Variants in UNC13C observed in about 807,000 individuals in gnomAD.
The protein encoded by UNC13C is unc-13 homolog C.
UNC13C carries 174 observed loss-of-function variants against 245.4 expected under a neutral mutation model. That is an observed-to-expected ratio of 0.71 (90% CI 0.63 to 0.80). UNC13C has a LOEUF of 0.80. UNC13C is among the 30% of genes least tolerant of loss of function. UNC13C has a pLI of 0.00. For missense variants in UNC13C, 2,829 were observed against 2,602.9 expected (o/e 1.09, Z -1.89); for synonymous variants, 992 against 895.1 (o/e 1.11, Z -1.93).
At chr15:54,035,116 T>G (rs1350848905) in intron 2 of UNC13C, among the ~76,000 whole-genome samples, 2 of 152,182 alleles carry the variant, frequency 1.3e-5, no homozygotes, top group Admixed American at 1.3e-4. Context: ...TATAGGGATA[T>G]TCTTTGCAGC....
chr15:53,863,191 G>A, the UNC13C span, among the ~76,000 whole-genome samples: 10 of 152,174 alleles, frequency 6.6e-5, no homozygotes, highest in Admixed American at 2.6e-4. Context: ...CAGGTCCCAA[G>A]CAAGACCAAA....
chr15:54,019,673 C>T (rs1050723220), intron 2 of UNC13C, among the ~76,000 whole-genome samples: 8 of 152,154 alleles, frequency 5.3e-5, no homozygotes, highest in South Asian at 4.1e-4. Context: ...CTAGTTTTTA[C>T]ATCATGTATA....
chr15:54,013,060 C>T lies in UNC13C; in HGVS notation c.157C>T (p.Pro53Ser), dbSNP rs1261174386. ...CCCCACTGCTGGCCAGACCAAATCC[C>T]CCAAATTTTCTTACACTTTTAAAAG... is the stretch of plus-strand genomic sequence containing the variant. ...DFPTAGQTKS[P>S]KFSYTFKSTV... The change falls in exon 2 of 33, where the codon CCC becomes TCC. Residue 53 changes from proline (P) to serine (S), a missense_variant. Coordinates refer to ENST00000260323, the MANE Select transcript of UNC13C (RefSeq NM_001080534.3). The T allele has an allele frequency of 6.2e-7, 1 of 1,613,828 alleles. No individual in the cohort carries two copies. Among genetic ancestry groups the T allele is most frequent in the Non-Finnish European group, 8.5e-7 (1 of 1,179,838 alleles).
At chr15:54,058,115 G>A (rs1897625010) in intron 2 of UNC13C, among the ~76,000 whole-genome samples, 1 of 152,060 alleles carries the variant, frequency 6.6e-6, no homozygotes, top group African/African-American at 2.4e-5. Context: ...TAAGATCAGA[G>A]CAGAACTGAA....
At chr15:53,896,712 G>C in the UNC13C span, among the ~76,000 whole-genome samples, 1 of 152,174 alleles carries the variant, frequency 6.6e-6, no homozygotes, top group South Asian at 2.1e-4. Flanking sequence ...AAGATGTAAG[G>C]AGTGCCTGCT....
At chr15:54,071,216 G>A (rs1898312013) in intron 2 of UNC13C, among the ~76,000 whole-genome samples, 1 of 151,960 alleles carries the variant, frequency 6.6e-6, no homozygotes, top group African/African-American at 2.4e-5. Context: ...TAAACTTGTA[G>A]GATTTCAGAA....
the UNC13C span, among the ~76,000 whole-genome samples, chr15:53,843,248 T>A: frequency 6.6e-6 from 1 of 152,064 alleles, no homozygotes; most frequent in Non-Finnish European, 1.5e-5. Context: ...GAAACCAGCC[T>A]GGGCAACATG....
chr15:54,179,549 T>A (rs7173417), intron 4 of UNC13C, among the ~76,000 whole-genome samples: 5 of 151,816 alleles, frequency 3.3e-5, no homozygotes, highest in African/African-American at 1.2e-4. Flanking sequence ...ACTATAAATA[T>A]AATTAGAGAT....
Position 54,506,010 on chromosome 15 carries a change from C to T in UNC13C, c.5302-1107C>T, listed in dbSNP as rs1390120377. On this transcript the variant is annotated intron_variant, in intron 22 of 32. Coordinates refer to ENST00000260323, the MANE Select transcript of UNC13C (RefSeq NM_001080534.3). ...AAGGGTATCCAGCTTGCTCTTTCTT[C>T]TTTAGAAAACGATAACAAAGGCAAA... Among the ~76,000 whole-genome samples the T allele has an allele frequency of 4.6e-5, 7 of 152,212 alleles. No homozygotes were observed. The East Asian group carries it at 1.4e-3, about 29-fold the overall frequency.
At chr15:54,149,040 T>C (rs2032404666) in intron 4 of UNC13C, among the ~76,000 whole-genome samples, 1 of 152,132 alleles carries the variant, frequency 6.6e-6, no homozygotes, top group Admixed American at 6.6e-5. Flanking sequence ...TCCCCCAGGC[T>C]GTTCTCCTGC....
At chr15:54,615,947 T>A (rs1900406169) in intron 30 of UNC13C, among the ~76,000 whole-genome samples, 1 of 152,058 alleles carries the variant, frequency 6.6e-6, no homozygotes, top group African/African-American at 2.4e-5. Flanking sequence ...CTTCTTTATG[T>A]CTAAAACAAA....
chr15:54,463,020 A>T (rs919521722), intron 19 of UNC13C, among the ~76,000 whole-genome samples: 1 of 151,928 alleles, frequency 6.6e-6, no homozygotes, highest in Non-Finnish European at 1.5e-5. Context: ...TGCATCAATC[A>T]GCACTCTGTG....
At chr15:54,131,254 T>C (rs777109310) in intron 2 of UNC13C, among the ~76,000 whole-genome samples, 10 of 152,236 alleles carry the variant, frequency 6.6e-5, no homozygotes, top group Non-Finnish European at 1.5e-4. Flanking sequence ...TTTTGCTTTA[T>C]TGCCTGGCAG....
intron 27 of UNC13C, among the ~76,000 whole-genome samples, chr15:54,547,602 T>G (rs1055050337): frequency 6.6e-6 from 1 of 152,188 alleles, no homozygotes. Context: ...CAGTCCATGT[T>G]TATTCAGTGA....
chr15:54,024,553 A>T (rs1271384439), intron 2 of UNC13C, among the ~76,000 whole-genome samples: 2 of 150,400 alleles, frequency 1.3e-5, no homozygotes, highest in East Asian at 4.0e-4. Flanking sequence ...GTAAAACTGG[A>T]CAGAGCTAAA....
intron 19 of UNC13C, among the ~76,000 whole-genome samples, chr15:54,486,284 C>CACACAT (rs1277406390): frequency 1.4e-5 from 2 of 144,414 alleles, no homozygotes; most frequent in Non-Finnish European, 3.1e-5. Context: ...CACACACACA[C>CACACAT]ACACAATATC....
At chr15:54,439,363 G>C (rs1005762769) in intron 19 of UNC13C, among the ~76,000 whole-genome samples, 2 of 151,856 alleles carry the variant, frequency 1.3e-5, no homozygotes, top group African/African-American at 2.4e-5. Context: ...ATGTAATCTA[G>C]AGTTTACAGT....
rs1297892013 is a variant in UNC13C, at chr15:54,013,587, A to G, written c.684A>G (p.Pro228=). The change falls in exon 2 of 33, where the codon CCA becomes CCG. Residue 228 remains proline, a synonymous_variant. Transcript: ENST00000260323. Reference sequence around the variant, plus strand: ...ACCCAAAGACAAATGCCCTGGAGCCAGGGTTCAGTTCCTCTGGCTGCATTA... The same window carrying G: ...ACCCAAAGACAAATGCCCTGGAGCCGGGGTTCAGTTCCTCTGGCTGCATTA... ...VRNPKTNALE[P]GFSSSGCISQ... is the part of the protein sequence containing the mutation. The G allele has an allele frequency of 2.5e-6, 4 of 1,613,660 alleles. No homozygotes were observed. The highest frequency in any genetic ancestry group is 1.7e-4 in the Middle Eastern group (1 of 6,056).
intron 10 of UNC13C, among the ~76,000 whole-genome samples, chr15:54,280,058 A>G (rs200081756): frequency 6.6e-6 from 1 of 152,184 alleles, no homozygotes; most frequent in Non-Finnish European, 1.5e-5. Context: ...ACAGATATGC[A>G]TATAATATGC....
Sources: gnomAD v4.1 joint callset for allele counts (sites outside exome capture counted in the v4.1 genomes callset) on GRCh38, gnomAD v4.1.1 for gene constraint, MANE v1.5 for transcripts, NCBI Gene and HGNC (gene_info 2026-07-23, HGNC 2026-07-21) for gene names.